Variants in ALAS2 observed in about 807,000 individuals in gnomAD.
ALAS2 encodes 5-aminolevulinate synthase, erythroid-specific, mitochondrial.
In ALAS2, 3 loss-of-function variants were observed where a neutral mutation model predicts 33.7. The ratio of observed to expected loss-of-function variants is 0.09; its 90% CI spans 0.04 to 0.23. The LOEUF (loss-of-function observed/expected upper bound fraction) is 0.23. Among genes scored for constraint, ALAS2 ranks in the 10% least tolerant of loss-of-function variants. The pLI, the probability that ALAS2 is intolerant of heterozygous loss-of-function variation, is 1.00. For missense variants in ALAS2, 304 were observed against 475.1 expected, an observed-to-expected ratio of 0.64 and a Z score of 3.35; for synonymous variants, 191 against 177.3, an observed-to-expected ratio of 1.08 and a Z score of -0.61.
At chrX:55,020,164 T>TCC (rs1935776002) in intron 6 of ALAS2, among the ~76,000 whole-genome samples, 156 bp downstream of exon 6, 1 of 111,723 alleles carries the variant, frequency 9.0e-6, no homozygotes, top group African/African-American at 3.3e-5. Flanking sequence ...CAGAGGGATA[T>TCC]AATTATCCAG....
chrX:55,021,479 C>T (rs1269024944), intron 4 of ALAS2, among the ~76,000 whole-genome samples: 1 of 112,257 alleles, frequency 8.9e-6, no homozygotes, highest in Admixed American at 9.4e-5. Flanking sequence ...CTCATTCACT[C>T]AGTAGTTCAT....
chrX:55,015,711 A>T lies in ALAS2; in HGVS notation c.1035T>A (p.Asp345Glu). The change falls in exon 8 of 11, where the codon GAT becomes GAA. Residue 345 changes from aspartate to glutamate, a missense_variant. Around this residue, in one of 3 missense-constraint regions of ALAS2, gnomAD observed 138 missense variants for 265.3 expected, o/e 0.52. Transcript: ENST00000650242. ...TCAGGGCCCCATACTGGTGGGACAC[A>T]TCACACAACTCCTCGAGGGGACAGA... ...GAICPLEELC[D>E]VSHQYGALTF... The T allele has an allele frequency of 1.7e-6, 2 of 1,211,406 alleles. No individual in the cohort carries two copies. Among genetic ancestry groups the T allele is most frequent in the Non-Finnish European group, 2.2e-6 (2 of 895,432 alleles).
At chrX:55,015,554 A>G (rs1935684260) in intron 8 of ALAS2, 24 bp downstream of exon 8, 1 of 1,209,596 alleles carries the variant, frequency 8.3e-7, no homozygotes. Context: ...AGGGTATATA[A>G]GAAGGCCCAA....
chrX:55,025,479 G>A (rs1935876357), intron 2 of ALAS2, among the ~76,000 whole-genome samples: 2 of 110,614 alleles, frequency 1.8e-5, no homozygotes, highest in African/African-American at 3.3e-5. Context: ...GATTACAGGC[G>A]CCCACCACCA....
intron 3 of ALAS2, 52 bp downstream of exon 3, chrX:55,024,666 T>C: frequency 8.3e-7 from 1 of 1,205,374 alleles, no homozygotes; most frequent in Non-Finnish European, 1.1e-6. Flanking sequence ...TGTGACGTAG[T>C]GTGTTCAAGC....
At chrX:55,011,587 G>A in intron 10 of ALAS2, among the ~76,000 whole-genome samples, 1 of 112,056 alleles carries the variant, frequency 8.9e-6, no homozygotes, top group East Asian at 2.8e-4. Flanking sequence ...ATGGATTAAA[G>A]AAGTGGCAGG....
At chrX:55,027,691 T>C in intron 1 of ALAS2, 1 of 1,146,024 alleles carries the variant, frequency 8.7e-7, no homozygotes, top group Non-Finnish European at 1.2e-6. Context: ...TGCCCTCATA[T>C]GGCAACCTCC....
intron 4 of ALAS2, 43 bp from the exon 5 acceptor site, chrX:55,021,317 C>T (rs1386780516): frequency 9.6e-7 from 1 of 1,041,911 alleles, no homozygotes; most frequent in Non-Finnish European, 1.3e-6. Context: ...CGTTTTAAGT[C>T]TCTCCCTGGC....
intron 10 of ALAS2, among the ~76,000 whole-genome samples, chrX:55,011,215 T>C (rs1248009823): frequency 8.9e-6 from 1 of 112,207 alleles, no homozygotes; most frequent in Non-Finnish European, 1.9e-5. Flanking sequence ...TTTTGGACTA[T>C]ACATCCCTAT....
chrX:55,026,509 G>GA (rs11442907), intron 1 of ALAS2, among the ~76,000 whole-genome samples: 6,702 of 111,893 alleles, frequency 0.06, 469 homozygotes, highest in African/African-American at 0.2. Context: ...ATCAGCCAGA[G>GA]GGGAGAAGGA....
intron 7 of ALAS2, among the ~76,000 whole-genome samples, chrX:55,016,533 A>T (rs1166094416): frequency 2.7e-5 from 3 of 111,808 alleles, no homozygotes; most frequent in Non-Finnish European, 5.6e-5. Context: ...CTGGTTTTAG[A>T]GCCTGTGTGT....
rs1271134213 is a variant in ALAS2 at position 55,009,152 on chromosome X, G to A, written c.*28C>T. On this transcript the variant is annotated 3_prime_UTR_variant, in exon 11 of 11. Transcript: ENST00000650242. The stretch of plus-strand genomic sequence containing the variant: ...GCCTGGACCCAAGTGAAGCGCAGGT[G>A]GGGTGTGAATCCTAGGCAGCTGGCT... 1.7e-6 allele frequency: 2 copies of A among 1,203,149 alleles called. No individual in the cohort carries two copies. Among genetic ancestry groups the A allele is most frequent in the South Asian group, 3.6e-5 (2 of 55,382 alleles).
intron 1 of ALAS2, chrX:55,027,696 A>G: frequency 6.4e-6 from 7 of 1,102,353 alleles, no homozygotes; most frequent in Non-Finnish European, 8.8e-6. Flanking sequence ...TCATATGGCA[A>G]CCTCCTTCAT....
chrX:55,015,031 A>G lies in ALAS2; in HGVS notation c.1169-16T>C. On this transcript the variant is annotated splice_polypyrimidine_tract_variant and intron_variant, in intron 8 of 10. Transcript: ENST00000650242. ...AAGGCCTTGCCTGGAGACAGAAAGG[A>G]ATAAGATATACACAGATCCCATAAT... 1 of 1,206,705 alleles carries G rather than the reference A, an allele frequency of 8.3e-7. No homozygotes were observed. Among genetic ancestry groups the G allele is most frequent in the Non-Finnish European group, 1.1e-6 (1 of 892,862 alleles).
chrX:55,019,571 A>G (rs923450180), intron 6 of ALAS2, among the ~76,000 whole-genome samples: 3 of 111,521 alleles, frequency 2.7e-5, no homozygotes, highest in African/African-American at 9.8e-5. Flanking sequence ...GGATTGTCAG[A>G]GACCATGGAG....
At chrX:55,021,317 C>G (rs1386780516) in intron 4 of ALAS2, 43 bp from the exon 5 acceptor site, 1 of 1,041,911 alleles carries the variant, frequency 9.6e-7, no homozygotes, top group Non-Finnish European at 1.3e-6. Flanking sequence ...CGTTTTAAGT[C>G]TCTCCCTGGC....
At chrX:55,009,599 C>T (rs1935567462) in intron 10 of ALAS2, among the ~76,000 whole-genome samples, 1 of 111,610 alleles carries the variant, frequency 9.0e-6, no homozygotes, top group Non-Finnish European at 1.9e-5. Context: ...GCCTGGACCA[C>T]TCCCTAAGTA....
chrX:55,027,934 T>C, intron 1 of ALAS2: 1 of 560,233 alleles, frequency 1.8e-6, no homozygotes, highest in Non-Finnish European at 3.1e-6. Flanking sequence ...GTATAGTTTT[T>C]GGCACATAGT....
intron 8 of ALAS2, 150 bp downstream of exon 8, chrX:55,015,428 G>A (rs995310287): frequency 1.9e-5 from 12 of 626,403 alleles, no homozygotes; most frequent in African/African-American, 4.4e-5. Context: ...AGTGGGATGC[G>A]AGTGGAGAGA....
Sources: allele counts gnomAD v4.1 joint callset (sites outside exome capture counted in the v4.1 genomes callset), GRCh38; gene constraint gnomAD v4.1.1; regional missense constraint gnomAD v4.1.1; transcripts MANE v1.5; gene names NCBI Gene and HGNC (gene_info 2026-07-23, HGNC 2026-07-21).